The following AGAP3 variants were observed in gnomAD, a reference collection of about 807,000 sequenced individuals.
AGAP3 encodes ArfGAP with GTPase domain, ankyrin repeat and PH domain 3, also known as arf-GAP with GTPase, ANK repeat and PH domain-containing protein 3.
A neutral mutation model predicts 96.9 loss-of-function variants in AGAP3; 24 were observed. The ratio of observed to expected loss-of-function variants is 0.25; its 90% confidence interval spans 0.18 to 0.35. AGAP3 has a LOEUF of 0.35. Ranked by LOEUF, AGAP3 falls within the 10% of genes least tolerant of loss-of-function variation. The pLI is 1.00. For missense variants in AGAP3, 876 were observed against 1,254.2 expected, an observed-to-expected ratio of 0.70 and a Z score of 4.55; for synonymous variants, 563 against 536.1, an observed-to-expected ratio of 1.05 and a Z score of -0.69.
At chr7:151,121,297 T>G (rs1259864765) in intron 8 of AGAP3, among the ~76,000 whole-genome samples, 1 of 152,124 alleles carries the variant, frequency 6.6e-6, no homozygotes, top group East Asian at 1.9e-4. Flanking sequence ...TGCCTAAATG[T>G]GCAGCTTCTC....
intron 1 of AGAP3, chr7:151,115,076 C>A: frequency 2.0e-6 from 2 of 1,021,870 alleles, no homozygotes; most frequent in Non-Finnish European, 2.3e-6. Flanking sequence ...CGCCCAGCCC[C>A]GCGTCCAGCC....
intron 1 of AGAP3, among the ~76,000 whole-genome samples, chr7:151,100,393 G>C (rs1018548179): frequency 6.6e-6 from 1 of 152,192 alleles, no homozygotes; most frequent in Non-Finnish European, 1.5e-5. Flanking sequence ...GTCCTGAGCC[G>C]TACAGCAGCC....
chr7:151,100,248 C>A (rs1441619960), intron 1 of AGAP3, among the ~76,000 whole-genome samples: 1 of 152,194 alleles, frequency 6.6e-6, no homozygotes, highest in Non-Finnish European at 1.5e-5. Flanking sequence ...CCGTCCTGAA[C>A]CCATGTTACT....
chr7:151,094,628 T>G (rs1371625978), intron 1 of AGAP3, among the ~76,000 whole-genome samples: 1 of 152,256 alleles, frequency 6.6e-6, no homozygotes, highest in African/African-American at 2.4e-5. Context: ...ATTTGCATTT[T>G]GTTCATTCTG....
At position 151,144,131 on chromosome 7, in the gene AGAP3, G is replaced by A. The variant is rs1345495357; in HGVS notation, c.*188G>A. On this transcript the variant is annotated 3_prime_UTR_variant, in exon 18 of 18. Coordinates refer to ENST00000397238, the MANE Select transcript of AGAP3 (RefSeq NM_031946.7). Reference sequence around the variant, plus strand: ...GGGGATTTGAGCTGCAGCAGAGAGGGATGAGGGATTTAGCCCTCTGCCCTA... The same window carrying A: ...GGGGATTTGAGCTGCAGCAGAGAGGAATGAGGGATTTAGCCCTCTGCCCTA... 6 of 673,656 alleles carry A rather than the reference G, an allele frequency of 8.9e-6. No homozygotes were observed. Among genetic ancestry groups the A allele is most frequent in the Non-Finnish European group, 1.5e-5 (6 of 403,850 alleles). 41.7% of individuals were successfully genotyped at this position (673,656 alleles called of 1,614,324 possible).
Position 151,117,191 on chromosome 7 carries a change from C to T in AGAP3, c.478+9C>T. On this transcript the variant is annotated intron_variant, in intron 3 of 17. Transcript: ENST00000397238. ...GGAGGAGTCCCCTGAAGGTGAGCGTCACAGGCCCAGCCTGGGCCCTGAGGC... is the reference window on the plus strand; with the variant it reads ...GGAGGAGTCCCCTGAAGGTGAGCGTTACAGGCCCAGCCTGGGCCCTGAGGC... The T allele has an allele frequency of 6.2e-7, 1 of 1,612,186 alleles. No individual in the cohort carries two copies. The highest frequency in any genetic ancestry group is 8.5e-7 in the Non-Finnish European group (1 of 1,178,678).
intron 1 of AGAP3, among the ~76,000 whole-genome samples, chr7:151,091,432 C>T (rs180718819): frequency 7.5e-4 from 114 of 152,336 alleles, no homozygotes; most frequent in Non-Finnish European, 1.3e-3. Context: ...CAGATACATT[C>T]ATTTAGCTCC....
At chr7:151,138,436 G>A (rs1322938182) in intron 12 of AGAP3, 123 bp downstream of exon 12, 11 of 1,123,676 alleles carry the variant, frequency 9.8e-6, no homozygotes, top group African/African-American at 4.7e-5. Flanking sequence ...AAGGGGTGGG[G>A]CCCAGCTGGG....
chr7:151,129,168 G>A (rs1448049287), intron 10 of AGAP3, among the ~76,000 whole-genome samples: 1 of 152,098 alleles, frequency 6.6e-6, no homozygotes, highest in Non-Finnish European at 1.5e-5. Flanking sequence ...GCTGGGGGGT[G>A]TTGTGGTGAC....
upstream of AGAP3, chr7:151,085,953 G>C (rs946612779): frequency 1.3e-5 from 2 of 152,356 alleles, no homozygotes; most frequent in African/African-American, 4.8e-5. Flanking sequence ...TGGTCTCTAG[G>C]GCTGACCTCG....
intron 1 of AGAP3, among the ~76,000 whole-genome samples, chr7:151,097,920 C>A (rs1798675744): frequency 6.6e-6 from 1 of 152,160 alleles, no homozygotes; most frequent in Non-Finnish European, 1.5e-5. Context: ...TTTTTATGTT[C>A]TTCTGTTCAT....
rs1563450983 is a variant in AGAP3, at chr7:151,108,856, G to T, written c.332-7937G>T. ...CAATGCCCTCATCTCTAAAAGGAGA[G>T]GATGAACCAGAACACGAGTTCTGAA... is the stretch of plus-strand genomic sequence containing the variant. On this transcript the variant is annotated intron_variant, in intron 1 of 17. Coordinates refer to ENST00000397238, the MANE Select transcript of AGAP3 (RefSeq NM_031946.7). This position sits in a 1 kb window ranked among gnomAD's most constrained non-coding sequence, Gnocchi z 4.2. Among the ~76,000 whole-genome samples the T allele has an allele frequency of 6.6e-6, 1 of 152,198 alleles. No homozygotes were observed. Among genetic ancestry groups the T allele is most frequent in the Non-Finnish European group, 1.5e-5 (1 of 68,038 alleles).
chr7:151,126,198 TCC>T (rs1800160904), intron 9 of AGAP3, among the ~76,000 whole-genome samples: 1 of 151,374 alleles, frequency 6.6e-6, no homozygotes, highest in Non-Finnish European at 1.5e-5. Context: ...AGGGACCCCC[TCC>T]CCGATCACAT....
chr7:151,134,347 T>A, intron 10 of AGAP3, 53 bp from the exon 11 acceptor site: 1 of 1,600,008 alleles, frequency 6.2e-7, no homozygotes, highest in Non-Finnish European at 8.6e-7. Context: ...GGCTCAACGC[T>A]GGAGTGACTG....
intron 8 of AGAP3, chr7:151,122,590 CT>C: frequency 1.0e-6 from 1 of 962,864 alleles, no homozygotes; most frequent in South Asian, 1.6e-5. Context: ...CGTCCTTCTC[CT>C]CCTCCTCCTC....
chr7:151,125,744 TC>T (rs1300175826), intron 9 of AGAP3, among the ~76,000 whole-genome samples: 10 of 152,018 alleles, frequency 6.6e-5, no homozygotes, highest in Non-Finnish European at 1.0e-4. Context: ...TTCCTTCCCC[TC>T]CCCCCAGCTC....
chr7:151,141,735 C>CCCCCTGCAAG lies in AGAP3; in HGVS notation c.1805-161_1805-152dup, dbSNP rs1800819462. On this transcript the variant is annotated intron_variant, in intron 13 of 17. Coordinates refer to ENST00000397238, the MANE Select transcript of AGAP3 (RefSeq NM_031946.7). The surrounding 1 kb of genome is among the most constrained non-coding windows in gnomAD (Gnocchi z 4.2). ...TAGTCTTGCAGGTTTACTCTGGCCT[C>CCCCCTGCAAG]CCCCTGCAAGCTGTCCTGGAGTGTG... The CCCCCTGCAAG allele has an allele frequency of 2.5e-6, 2 of 790,456 alleles. No individual in the cohort carries two copies. The highest frequency in any genetic ancestry group is 3.4e-5 in the South Asian group (2 of 58,048). 49.0% of individuals were successfully genotyped at this position (790,456 alleles called of 1,614,324 possible). A position where few individuals can be genotyped will look rare whatever the true frequency, so the allele number is the denominator to read the frequency against.
intron 1 of AGAP3, among the ~76,000 whole-genome samples, chr7:151,099,591 T>C (rs1434496151): frequency 6.6e-6 from 1 of 152,204 alleles, no homozygotes. Flanking sequence ...TTGGGTCCTG[T>C]GCCAGGTGGG....
chr7:151,104,673 C>T (rs1453848195), intron 1 of AGAP3, among the ~76,000 whole-genome samples: 1 of 152,228 alleles, frequency 6.6e-6, no homozygotes, highest in Admixed American at 6.5e-5. Flanking sequence ...CCACCCACGG[C>T]TGGTGGAGAG....
Sources: allele counts gnomAD v4.1 joint callset (sites outside exome capture counted in the v4.1 genomes callset), GRCh38; gene constraint gnomAD v4.1.1; non-coding constraint Gnocchi (gnomAD v3.1); transcripts MANE v1.5; gene names NCBI Gene and HGNC (gene_info 2026-07-23, HGNC 2026-07-21).